Variants in CDH18 observed in about 807,000 individuals in gnomAD.
CDH18 encodes cadherin-18.
Under a neutral mutation model 67.9 loss-of-function variants are expected in CDH18, and 31 were observed. That is an observed-to-expected ratio of 0.46 (90% confidence interval 0.34 to 0.62). The LOEUF (loss-of-function observed/expected upper bound fraction) is 0.62. CDH18 is among the 20% of genes least tolerant of loss of function. The probability of loss-of-function intolerance (pLI) is 0.01; values close to 1 mark genes in which losing one functional copy is unlikely to be tolerated. For missense variants in CDH18, 890 were observed against 975.5 expected (o/e 0.91, Z 1.17); for synonymous variants, 362 against 347.2 (o/e 1.04, Z -0.48).
intron 1 of CDH18, among the ~76,000 whole-genome samples, chr5:20,275,362 T>C (rs565163515): frequency 5.9e-5 from 9 of 152,212 alleles, no homozygotes; most frequent in African/African-American, 2.2e-4. Context: ...AAGAAGGTCA[T>C]TGCTTTCCCT....
chr5:20,296,030 C>T (rs1747480300), intron 1 of CDH18, among the ~76,000 whole-genome samples: 1 of 151,130 alleles, frequency 6.6e-6, no homozygotes, highest in Admixed American at 6.6e-5. Flanking sequence ...TGCCACCATG[C>T]CTGGCTAATT....
intron 3 of CDH18, among the ~76,000 whole-genome samples, chr5:19,822,155 T>A (rs1351003987): frequency 6.6e-6 from 1 of 152,134 alleles, no homozygotes; most frequent in African/African-American, 2.4e-5. Context: ...CTAAACACTC[T>A]CACTTAAAAG....
At chr5:19,935,659 T>C (rs1794166467) in intron 2 of CDH18, among the ~76,000 whole-genome samples, 1 of 151,200 alleles carries the variant, frequency 6.6e-6, no homozygotes, top group African/African-American at 2.4e-5. Context: ...TTTCTCAGAA[T>C]GTATCTTCTT....
chr5:20,172,223 T>TATATACAC (rs1554098639), intron 2 of CDH18, among the ~76,000 whole-genome samples: 4 of 43,922 alleles, frequency 9.1e-5, no homozygotes, highest in Non-Finnish European at 1.2e-4. Context: ...TATATATATA[T>TATATACAC]GTATATATAT....
intron 1 of CDH18, among the ~76,000 whole-genome samples, chr5:20,484,361 C>G (rs1324280055): frequency 2.0e-5 from 3 of 151,970 alleles, no homozygotes; most frequent in Admixed American, 6.6e-5. Context: ...CTATGGAGAA[C>G]ATTTTAGAGG....
chr5:20,336,874 G>A (rs907917401), intron 1 of CDH18, among the ~76,000 whole-genome samples: 4 of 151,692 alleles, frequency 2.6e-5, no homozygotes, highest in South Asian at 4.2e-4. Flanking sequence ...TCATTAACAT[G>A]ACATTAGCAT....
rs990503655 is a variant in CDH18 at position 20,164,387 on chromosome 5, A to G, written c.-518+91057T>C. ...CTGAACCCTCCACCTCCCAGGTTCAAGCGACTCTCCTGCCTCAGCCTCCCA... is the reference window on the plus strand; with the variant it reads ...CTGAACCCTCCACCTCCCAGGTTCAGGCGACTCTCCTGCCTCAGCCTCCCA... On this transcript the variant is annotated intron_variant, in intron 2 of 14. Transcript: ENST00000507958. Among the ~76,000 whole-genome samples the G allele has an allele frequency of 1.4e-4, 21 of 152,136 alleles. 1 individual carries two copies. The highest frequency in any genetic ancestry group is 3.4e-3 in the Middle Eastern group (1 of 294).
rs145146568 is a variant in CDH18, at chr5:19,604,955, T to C, written c.811+7479A>G. Reference sequence around the variant, plus strand: ...GAAGAAAGACTATTAGAAATTTTAATTGAAATTCAGTCCACTTTTTAAGTA... The same window carrying C: ...GAAGAAAGACTATTAGAAATTTTAACTGAAATTCAGTCCACTTTTTAAGTA... On this transcript the variant is annotated intron_variant, in intron 6 of 12. Transcript: ENST00000382275. 3.7e-3 allele frequency among the ~76,000 whole-genome samples: 560 copies of C among 152,120 alleles called. 2 individuals are homozygous for C. Among genetic ancestry groups the C allele is most frequent in the African/African-American group, 0.013 (537 of 41,570 alleles).
At chr5:19,523,240 T>G (rs1015490045) in intron 9 of CDH18, among the ~76,000 whole-genome samples, 3 of 152,144 alleles carry the variant, frequency 2.0e-5, no homozygotes, top group African/African-American at 7.2e-5. Context: ...CATACATATT[T>G]TGGGAAAAAT....
intron 1 of CDH18, among the ~76,000 whole-genome samples, chr5:20,337,143 C>T (rs1485551035): frequency 3.9e-5 from 6 of 152,196 alleles, no homozygotes; most frequent in South Asian, 2.1e-4. Context: ...ATCAATTCTA[C>T]GCTATTCACT....
At chr5:20,087,149 A>C (rs926105180) in intron 2 of CDH18, among the ~76,000 whole-genome samples, 1 of 152,178 alleles carries the variant, frequency 6.6e-6, no homozygotes, top group Admixed American at 6.5e-5. Context: ...AAGTAACTCA[A>C]GATATGTTGG....
chr5:19,713,614 G>A (rs537453039), intron 5 of CDH18, among the ~76,000 whole-genome samples: 1 of 152,216 alleles, frequency 6.6e-6, no homozygotes, highest in South Asian at 2.1e-4. Flanking sequence ...TTGCCACGGA[G>A]TAGGAGAGTT....
intron 11 of CDH18, among the ~76,000 whole-genome samples, chr5:19,501,683 A>C (rs1320415514): frequency 6.6e-6 from 1 of 152,144 alleles, no homozygotes. Flanking sequence ...TTATTTTAAA[A>C]TATAAATTTT....
chr5:20,263,992 CAT>C (rs1248925819), intron 1 of CDH18, among the ~76,000 whole-genome samples: 1 of 152,038 alleles, frequency 6.6e-6, no homozygotes, highest in African/African-American at 2.4e-5. Context: ...TCTACTCATA[CAT>C]AGTCATTAAA....
At chr5:20,299,108 G>A (rs142414353) in intron 1 of CDH18, among the ~76,000 whole-genome samples, 128 of 152,208 alleles carry the variant, frequency 8.4e-4, no homozygotes, top group African/African-American at 3.0e-3. Context: ...ATTTTGAAGA[G>A]GGTGTAACTT....
rs1221143185 is a variant in CDH18, at chr5:19,604,364, C to T, written c.811+8070G>A. 3.9e-5 allele frequency among the ~76,000 whole-genome samples: 6 copies of T among 151,992 alleles called. No individual in the cohort carries two copies. In the South Asian group the frequency reaches 1.0e-3, roughly 26 times the overall value. ...AGTATTTACTTGAGAAAGTGAGATG[C>T]TTCTCAGGGAAAACTGACTGACATG... On this transcript the variant is annotated intron_variant, in intron 6 of 12. Coordinates refer to ENST00000382275, the MANE Select transcript of CDH18 (RefSeq NM_004934.5).
intron 3 of CDH18, among the ~76,000 whole-genome samples, chr5:19,833,543 A>C (rs1440300237): frequency 2.0e-5 from 3 of 152,146 alleles, no homozygotes; most frequent in Non-Finnish European, 4.4e-5. Flanking sequence ...CCTGGCCAGA[A>C]CTTCCAATAC....
chr5:20,125,972 G>A (rs1011412835), intron 2 of CDH18, among the ~76,000 whole-genome samples: 2 of 152,046 alleles, frequency 1.3e-5, no homozygotes, highest in Non-Finnish European at 2.9e-5. Context: ...ATTCTAAAAC[G>A]TATATGAAAC....
intron 1 of CDH18, among the ~76,000 whole-genome samples, chr5:20,433,571 G>A (rs1330014043): frequency 6.6e-6 from 1 of 152,022 alleles, no homozygotes; most frequent in East Asian, 1.9e-4. Context: ...ATGTTATTAT[G>A]TTTAAAACAT....
Sources: gnomAD v4.1 joint callset for allele counts (sites outside exome capture counted in the v4.1 genomes callset) on GRCh38, gnomAD v4.1.1 for gene constraint, MANE v1.5 for transcripts, NCBI Gene and HGNC (gene_info 2026-07-23, HGNC 2026-07-21) for gene names.